The following CCNH variants were observed in gnomAD, a reference collection of about 807,000 sequenced individuals.
The protein encoded by CCNH is cyclin H, also known as cyclin-H.
CCNH carries 31 observed loss-of-function variants against 41.9 expected under a neutral mutation model. The observed-to-expected ratio is 0.74, with a 90% CI of 0.56 to 1.00. The LOEUF (loss-of-function observed/expected upper bound fraction) is 1.00. Ranked by LOEUF, CCNH falls within the 50% of genes least tolerant of loss-of-function variation. CCNH has a pLI of 0.00. For synonymous variants in CCNH, 138 were observed against 136.1 expected, an observed-to-expected ratio of 1.01 and a Z score of -0.10; for missense variants, 362 against 388.4, an observed-to-expected ratio of 0.93 and a Z score of 0.57.
intron 9 of CCNH, among the ~76,000 whole-genome samples, chr5:87,324,140 A>G (rs1319887415): frequency 6.6e-6 from 1 of 152,212 alleles, no homozygotes; most frequent in East Asian, 1.9e-4. Context: ...ATGGTATGAT[A>G]CTATAATTGT....
rs1484982527 is a variant in CCNH at position 87,394,826 on chromosome 5, C to T, written c.933+218G>A. ...TATGTATACATATTGCTTCTGCTTT[C>T]TATGAACACAGGAAGGATTCTTCAT... On this transcript the variant is annotated intron_variant, in intron 8 of 8. Transcript: ENST00000256897. 7 of 1,361,404 alleles carry T rather than the reference C, an allele frequency of 5.1e-6. No individual in the cohort carries two copies. In the East Asian group the frequency reaches 1.4e-4, roughly 26 times the overall value. The allele number at this position is 1,361,404 out of a possible 1,614,324, so 84.3% of individuals were successfully genotyped here.
downstream of CCNH, among the ~76,000 whole-genome samples, chr5:87,315,126 A>G (rs1756227664): frequency 6.6e-6 from 1 of 152,264 alleles, no homozygotes; most frequent in African/African-American, 2.4e-5. Context: ...GTACAGAATT[A>G]CAACACAGCT....
chr5:87,412,775 T>C lies in CCNH; in HGVS notation c.20A>G (p.Gln7Arg). MYHNSS[Q>R]KRHWTFSSEE... ...GCTGGAGAAGGTCCAGTGCCGCTTC[T>C]GACTACTGTTGTGGTACATTATGGA... The change falls in exon 1 of 9, where the codon CAG becomes CGG. Residue 7 changes from glutamine to arginine, a missense_variant. Coordinates refer to ENST00000256897, the MANE Select transcript of CCNH (RefSeq NM_001239.4). 5 of 1,614,228 alleles carry C rather than the reference T, an allele frequency of 3.1e-6. No homozygotes were observed. The highest frequency in any genetic ancestry group is 4.2e-6 in the Non-Finnish European group (5 of 1,180,028).
downstream of CCNH, chr5:87,374,912 T>A: frequency 6.2e-7 from 1 of 1,606,464 alleles, no homozygotes; most frequent in Non-Finnish European, 8.5e-7. Context: ...AAGATCCTGA[T>A]ATCTGTAAGT....
At chr5:87,326,667 T>C (rs1259829262) in intron 9 of CCNH, among the ~76,000 whole-genome samples, 1 of 152,156 alleles carries the variant, frequency 6.6e-6, no homozygotes, top group Admixed American at 6.5e-5. Context: ...TACTATCCTT[T>C]ATATTGCCCC....
At chr5:87,338,162 A>G (rs1758113936) in intron 9 of CCNH, 6 of 1,595,348 alleles carry the variant, frequency 3.8e-6, no homozygotes, top group Non-Finnish European at 5.1e-6. Context: ...GTCCGTAATC[A>G]GAGAAAGTAG....
chr5:87,409,449 G>T, intron 2 of CCNH, 86 bp from the exon 3 acceptor site: 1 of 730,056 alleles, frequency 1.4e-6, no homozygotes. Context: ...TTTATGGAAA[G>T]GTTTCTTTGT....
intron 9 of CCNH, among the ~76,000 whole-genome samples, chr5:87,348,273 A>G (rs901707402): frequency 2.6e-5 from 4 of 151,842 alleles, no homozygotes; most frequent in Non-Finnish European, 5.9e-5. Context: ...CCTTGATTGG[A>G]TGATTGGAAC....
chr5:87,362,783 G>A, intron 9 of CCNH: 1 of 1,282,782 alleles, frequency 7.8e-7, no homozygotes, highest in Non-Finnish European at 1.1e-6. Flanking sequence ...ATTAGTAATT[G>A]ACACTTGTTT....
chr5:87,410,700 C>A (rs1362365921), intron 2 of CCNH, among the ~76,000 whole-genome samples: 3 of 152,018 alleles, frequency 2.0e-5, no homozygotes, highest in Admixed American at 2.0e-4. Context: ...CGGTTGCCCA[C>A]CCCAGCAAAA....
At chr5:87,402,494 A>AT (rs1763489619) in intron 5 of CCNH, among the ~76,000 whole-genome samples, 1 of 152,196 alleles carries the variant, frequency 6.6e-6, no homozygotes, top group Non-Finnish European at 1.5e-5. Flanking sequence ...AAATGAACAG[A>AT]TTCTCAAAAT....
intron 9 of CCNH, among the ~76,000 whole-genome samples, chr5:87,356,269 A>G (rs1350945649): frequency 2.6e-5 from 4 of 152,130 alleles, no homozygotes; most frequent in African/African-American, 9.7e-5. Flanking sequence ...AAATTGCCAC[A>G]ACCACCCCAA....
intron 9 of CCNH, among the ~76,000 whole-genome samples, chr5:87,345,418 T>C (rs1388909223): frequency 1.3e-5 from 2 of 152,150 alleles, no homozygotes; most frequent in African/African-American, 2.4e-5. Context: ...GGTCATGTAG[T>C]TGACTGTCCT....
intron 9 of CCNH, among the ~76,000 whole-genome samples, chr5:87,352,509 G>A (rs1268960322): frequency 6.6e-6 from 1 of 151,648 alleles, no homozygotes; most frequent in South Asian, 2.1e-4. Flanking sequence ...AAAAAAATAC[G>A]TGGTTCACTA....
downstream of CCNH, among the ~76,000 whole-genome samples, chr5:87,314,474 AAGAG>A (rs2112314362): frequency 6.6e-6 from 1 of 152,328 alleles, no homozygotes; most frequent in Non-Finnish European, 1.5e-5. Context: ...AGGATGGAAG[AAGAG>A]AGCATAGGAA....
chr5:87,330,364 CT>C (rs997027846), intron 9 of CCNH, among the ~76,000 whole-genome samples: 2 of 151,910 alleles, frequency 1.3e-5, no homozygotes, highest in Admixed American at 6.6e-5. Context: ...TACAAATAAA[CT>C]TTGGTAAAGC....
chr5:87,407,694 T>C (rs1763903070), intron 4 of CCNH, among the ~76,000 whole-genome samples: 2 of 152,094 alleles, frequency 1.3e-5, no homozygotes, highest in East Asian at 1.9e-4. Context: ...ATGGTCTTCA[T>C]TACATCCCTG....
intron 9 of CCNH, among the ~76,000 whole-genome samples, chr5:87,339,913 C>G (rs1006897457): frequency 6.6e-6 from 1 of 152,026 alleles, no homozygotes; most frequent in Non-Finnish European, 1.5e-5. Flanking sequence ...GAAGATGTTT[C>G]GGGCATTCAG....
At chr5:87,406,300 C>A (rs894028280) in intron 4 of CCNH, among the ~76,000 whole-genome samples, 5 of 152,090 alleles carry the variant, frequency 3.3e-5, no homozygotes, top group Non-Finnish European at 7.4e-5. Flanking sequence ...TTTTGTATTT[C>A]ATCTTGCTCT....
Sources: gnomAD v4.1 joint callset for allele counts (sites outside exome capture counted in the v4.1 genomes callset) on GRCh38, gnomAD v4.1.1 for gene constraint, MANE v1.5 for transcripts, NCBI Gene and HGNC (gene_info 2026-07-23, HGNC 2026-07-21) for gene names.